The following JPH3 variants were observed in gnomAD, a reference collection of about 807,000 sequenced individuals.
JPH3 encodes junctophilin 3, also known as junctophilin-3.
JPH3 carries 11 observed loss-of-function variants against 59.6 expected under a neutral mutation model. That is an observed-to-expected ratio of 0.18 (90% CI 0.12 to 0.31). The LOEUF is 0.31. Ranked by LOEUF, JPH3 falls within the 10% of genes least tolerant of loss-of-function variation. The pLI is 1.00. For missense variants in JPH3, 1,202 were observed against 1,105.7 expected (o/e 1.09, Z -1.24); for synonymous variants, 673 against 483.6 (o/e 1.39, Z -5.14).
intron 1 of JPH3, among the ~76,000 whole-genome samples, chr16:87,616,998 G>GT (rs1247261796): frequency 2.6e-5 from 4 of 152,192 alleles, no homozygotes; most frequent in Non-Finnish European, 4.4e-5. Context: ...GCCTAGGCGG[G>GT]TGGGTCACCT....
At chr16:87,617,797 G>A (rs538043083) in intron 1 of JPH3, among the ~76,000 whole-genome samples, 16 of 152,228 alleles carry the variant, frequency 1.1e-4, no homozygotes, top group Non-Finnish European at 7.4e-5. Flanking sequence ...GGGCAGGGGT[G>A]CGTCCATGGT....
At chr16:87,672,342 C>T (rs936087373) in intron 2 of JPH3, among the ~76,000 whole-genome samples, 2 of 152,228 alleles carry the variant, frequency 1.3e-5, no homozygotes, top group African/African-American at 4.8e-5. Flanking sequence ...TAACGGGCTT[C>T]TCTCTGGCCT....
intron 3 of JPH3, among the ~76,000 whole-genome samples, chr16:87,685,430 A>G (rs1050658727): frequency 6.6e-6 from 1 of 152,224 alleles, no homozygotes; most frequent in African/African-American, 2.4e-5. Flanking sequence ...GGCATCCTCC[A>G]TGGTCTCGCC....
At chr16:87,647,719 T>TCCTCAC (rs1483843429) in intron 2 of JPH3, among the ~76,000 whole-genome samples, 1 of 152,128 alleles carries the variant, frequency 6.6e-6, no homozygotes, top group African/African-American at 2.4e-5. Context: ...ACTCACGGCC[T>TCCTCAC]CCTCACCGCT....
intron 4 of JPH3, chr16:87,695,467 G>A (rs955729565): frequency 2.2e-6 from 1 of 455,772 alleles, no homozygotes; most frequent in Admixed American, 2.4e-5. Context: ...CGGGGGCTCT[G>A]AACAGCTCCT....
At chr16:87,612,645 G>A (rs578195255) in intron 1 of JPH3, among the ~76,000 whole-genome samples, 17 of 152,208 alleles carry the variant, frequency 1.1e-4, no homozygotes, top group African/African-American at 4.1e-4. Context: ...CAGCAAGCAG[G>A]GCCTAGAGTT....
intron 2 of JPH3, among the ~76,000 whole-genome samples, chr16:87,660,048 C>T (rs1266305046): frequency 6.6e-6 from 1 of 151,998 alleles, no homozygotes; most frequent in Non-Finnish European, 1.5e-5. Context: ...GTACCAAGCC[C>T]CAGCCCTGCC....
chr16:87,641,146 G>A (rs747407005), intron 1 of JPH3, among the ~76,000 whole-genome samples: 26 of 152,208 alleles, frequency 1.7e-4, no homozygotes, highest in Non-Finnish European at 3.5e-4. Context: ...GGACCTCTGG[G>A]CAAGAGGCTG....
Position 87,697,802 on chromosome 16 carries a change from C to G in JPH3, c.*1142C>G, listed in dbSNP as rs1441195972. ...GTACAATGTAACTTGTTCAGTCCAA[C>G]AAAAACAGGTTCCTTATGTTTCTGC... On this transcript the variant is annotated 3_prime_UTR_variant, in exon 5 of 5. Coordinates refer to ENST00000284262, the MANE Select transcript of JPH3 (RefSeq NM_020655.4). The G allele has an allele frequency of 6.6e-6, 1 of 152,228 alleles. No homozygotes were observed. The highest frequency in any genetic ancestry group is 1.5e-5 in the Non-Finnish European group (1 of 68,040). 9.4% of individuals were successfully genotyped at this position (152,228 alleles called of 1,614,324 possible). A position where few individuals can be genotyped will look rare whatever the true frequency, so the allele number is the denominator to read the frequency against.
In JPH3 at chr16:87,644,479, A is replaced by G; in HGVS notation, c.604A>G (p.Ser202Gly). The change falls in exon 2 of 5, where the codon AGT becomes GGT. Residue 202 changes from serine (S) to glycine (G), a missense_variant. Ser to Gly is a moderately conservative substitution (Grantham distance 56). Transcript: ENST00000284262. ...CGGGGGCTTCGTGCTCGTGGCCCAC[A>G]GTGACTCCGAGATCCTCAAGAGCAA... is the stretch of plus-strand genomic sequence containing the variant. ...SRGGFVLVAH[S>G]DSEILKSKKK... The G allele has an allele frequency of 6.2e-7, 1 of 1,612,818 alleles. No individual in the cohort carries two copies. Among genetic ancestry groups the G allele is most frequent in the Non-Finnish European group, 8.5e-7 (1 of 1,179,806 alleles).
intron 2 of JPH3, among the ~76,000 whole-genome samples, chr16:87,666,380 C>T (rs141358190): frequency 0.01 from 1,480 of 145,740 alleles, 24 homozygotes; most frequent in Middle Eastern, 0.056. Flanking sequence ...TGAGCCACCG[C>T]GCCTGGCCTA....
At chr16:87,637,004 C>T (rs2031772519) in intron 1 of JPH3, among the ~76,000 whole-genome samples, 1 of 152,216 alleles carries the variant, frequency 6.6e-6, no homozygotes, top group African/African-American at 2.4e-5. Flanking sequence ...TGACGGGGGT[C>T]AGGCCTCCAC....
Position 87,614,272 on chromosome 16 carries a change from GT to G in JPH3, c.382+10745del, listed in dbSNP as rs1195198543. Among the ~76,000 whole-genome samples, 24 of 149,116 alleles carry G rather than the reference GT, an allele frequency of 1.6e-4. 6 individuals carry two copies. Among genetic ancestry groups the G allele is most frequent in the African/African-American group, 4.7e-4 (19 of 40,316 alleles). On this transcript the variant is annotated intron_variant, in intron 1 of 4. Coordinates refer to ENST00000284262, the MANE Select transcript of JPH3 (RefSeq NM_020655.4). ...ACGTCCCCTCCCAGGATAAACACAG[GT>G]CCCTGTACACAGGAGGAGCTGTGCG... is the stretch of plus-strand genomic sequence containing the variant.
intron 1 of JPH3, among the ~76,000 whole-genome samples, chr16:87,627,275 G>T (rs1378253015): frequency 6.6e-6 from 1 of 152,224 alleles, no homozygotes; most frequent in Non-Finnish European, 1.5e-5. Context: ...CTGTTGGGGT[G>T]AGCTGAAAAT....
chr16:87,605,064 C>T, intron 1 of JPH3: 1 of 410,974 alleles, frequency 2.4e-6, no homozygotes, highest in Non-Finnish European at 5.0e-6. Context: ...CAGCCTGGCG[C>T]TTCCAGCTGG....
intron 3 of JPH3, among the ~76,000 whole-genome samples, chr16:87,687,895 A>C (rs1489843454): frequency 2.0e-5 from 3 of 152,092 alleles, no homozygotes; most frequent in Non-Finnish European, 4.4e-5. Flanking sequence ...CATAGCGTCT[A>C]AGGCACAGGA....
At chr16:87,660,914 T>G (rs1187544936) in intron 2 of JPH3, among the ~76,000 whole-genome samples, 1 of 152,176 alleles carries the variant, frequency 6.6e-6, no homozygotes, top group Non-Finnish European at 1.5e-5. Context: ...ATCTGTCCAG[T>G]GGAATGACAA....
At chr16:87,653,658 A>C (rs900743836) in intron 2 of JPH3, 1 of 152,264 alleles carries the variant, frequency 6.6e-6, no homozygotes, top group Non-Finnish European at 1.5e-5. Context: ...TGAAGGAGGT[A>C]GCACAGTTCT....
At chr16:87,642,518 A>G (rs987402105) in intron 1 of JPH3, among the ~76,000 whole-genome samples, 7 of 152,244 alleles carry the variant, frequency 4.6e-5, no homozygotes, top group Admixed American at 1.3e-4. Flanking sequence ...GGTGGGACGA[A>G]TAAAACCTAC....
Sources: allele counts gnomAD v4.1 joint callset (sites outside exome capture counted in the v4.1 genomes callset), GRCh38; gene constraint gnomAD v4.1.1; transcripts MANE v1.5; gene names NCBI Gene and HGNC (gene_info 2026-07-23, HGNC 2026-07-21).